SHROOM4: variants seen among roughly 807,000 people sequenced by gnomAD.
SHROOM4 encodes shroom family member 4.
A neutral mutation model predicts 80.3 loss-of-function variants in SHROOM4; 17 were observed. The observed-to-expected ratio is 0.21, with a 90% CI of 0.14 to 0.32. The LOEUF (loss-of-function observed/expected upper bound fraction) is 0.32, where lower values mean the gene tolerates loss of function less well. Among genes scored for constraint, SHROOM4 ranks in the 10% least tolerant of loss-of-function variants. SHROOM4 has a pLI of 1.00. For synonymous variants in SHROOM4, 400 were observed against 437.5 expected (o/e 0.91, Z 1.07); for missense variants, 993 against 1,140.3 (o/e 0.87, Z 1.86).
intron 1 of SHROOM4, among the ~76,000 whole-genome samples, chrX:50,781,565 T>TG (rs1214369577): frequency 9.4e-6 from 1 of 105,952 alleles, no homozygotes; most frequent in African/African-American, 3.5e-5. Context: ...GGATGGGGAG[T>TG]GGGGGGGATG....
intron 2 of SHROOM4, among the ~76,000 whole-genome samples, chrX:50,682,593 T>C (rs782418537): frequency 6.3e-5 from 7 of 111,618 alleles, no homozygotes; most frequent in Admixed American, 9.5e-5. Context: ...GTGTTGTTTA[T>C]GGGAGGAAGC....
chrX:50,652,844 T>G (rs1262806230), intron 2 of SHROOM4, among the ~76,000 whole-genome samples: 2 of 112,230 alleles, frequency 1.8e-5, no homozygotes, highest in Non-Finnish European at 3.8e-5. Context: ...CATTGCTTGT[T>G]TTTGTCAGGT....
At chrX:50,605,509 T>C (rs933389096) in intron 6 of SHROOM4, among the ~76,000 whole-genome samples, 5 of 112,627 alleles carry the variant, frequency 4.4e-5, no homozygotes, top group Non-Finnish European at 9.4e-5. Context: ...AGATCTCTAG[T>C]AATAGTGATT....
intron 2 of SHROOM4, among the ~76,000 whole-genome samples, chrX:50,663,889 C>T (rs1469760402): frequency 8.9e-6 from 1 of 111,867 alleles, no homozygotes; most frequent in Non-Finnish European, 1.9e-5. Context: ...CTAGAGCATA[C>T]TCCTTCTATG....
chrX:50,597,736 G>C lies in SHROOM4; in HGVS notation c.4212+530C>G, dbSNP rs147184519. On this transcript the variant is annotated intron_variant, in intron 8 of 8. Coordinates refer to ENST00000376020, the MANE Select transcript of SHROOM4 (RefSeq NM_020717.5). ...TTACAGGTGAAGAGATTGAGGCAGAGTGACGTTATGTAAGTTGTCCACAGT... is the reference window on the plus strand; with the variant it reads ...TTACAGGTGAAGAGATTGAGGCAGACTGACGTTATGTAAGTTGTCCACAGT... Among the ~76,000 whole-genome samples the C allele has an allele frequency of 2.7e-5, 3 of 112,382 alleles. No homozygotes were observed. The East Asian group carries it at 8.4e-4, about 31-fold the overall frequency.
rs1374285730 is a variant in SHROOM4, at chrX:50,636,609, G to A, written c.405-941C>T. Among the ~76,000 whole-genome samples, 3 of 111,563 alleles carry A rather than the reference G, an allele frequency of 2.7e-5. No homozygotes were observed. The East Asian group carries it at 8.5e-4, about 31-fold the overall frequency. On this transcript the variant is annotated intron_variant, in intron 3 of 8. Transcript: ENST00000376020. ...TACAATTGAACTCATCACCTGGGAA[G>A]TGAGCAGAGTACCCAACAGGTAGTT...
In SHROOM4 at chrX:50,634,795, A is replaced by C. The variant is rs782407043; in HGVS notation, c.1278T>G (p.Leu426=). The change falls in exon 4 of 9, where the codon CTT becomes CTG. Residue 426 remains leucine, a synonymous_variant. Coordinates refer to ENST00000376020, the MANE Select transcript of SHROOM4 (RefSeq NM_020717.5). Reference sequence around the variant, plus strand: ...CCATCCCTTTGCTGCCCCTGGTATCAAGGTGCACATGCTGCAGGTGGGATG... The same window carrying C: ...CCATCCCTTTGCTGCCCCTGGTATCCAGGTGCACATGCTGCAGGTGGGATG... ...LLASHLQHVH[L]DTRGSKGMEL... 6.6e-6 allele frequency: 8 copies of C among 1,209,781 alleles called. No individual in the cohort carries two copies. In the East Asian group the frequency reaches 2.1e-4, roughly 31 times the overall value.
chrX:50,597,474 A>C (rs1444815194), intron 8 of SHROOM4, among the ~76,000 whole-genome samples: 2 of 111,672 alleles, frequency 1.8e-5, no homozygotes, highest in Non-Finnish European at 3.8e-5. Flanking sequence ...ATTTTGGTTC[A>C]GGAGTATATG....
At chrX:50,729,993 G>A (rs1255926507) in intron 1 of SHROOM4, among the ~76,000 whole-genome samples, 2 of 112,002 alleles carry the variant, frequency 1.8e-5, no homozygotes, top group Non-Finnish European at 3.8e-5. Flanking sequence ...AAAATCTAAA[G>A]GAAATTCTTC....
At position 50,813,941 on chromosome X, in the gene SHROOM4, C is replaced by G. The variant is rs782647367; in HGVS notation, c.78G>C (p.Lys26Asn). 8.3e-6 allele frequency: 10 copies of G among 1,205,158 alleles called. No individual in the cohort carries two copies. In the East Asian group the frequency reaches 2.7e-4, roughly 32 times the overall value. Reference sequence around the variant, plus strand: ...GCGGCTCACAGTGTTCCAGACCCCCCTTAAGGGTGAAGCCCCAGGGTGCCC... The same window carrying G: ...GCGGCTCACAGTGTTCCAGACCCCCGTTAAGGGTGAAGCCCCAGGGTGCCC... ...QGGAPWGFTL[K>N]GGLEHCEPLT... is the part of the protein sequence containing the mutation. The change falls in exon 1 of 9, where the codon AAG becomes AAC. Residue 26 changes from lysine (K) to asparagine (N), a missense_variant. Lys to Asn is a moderately conservative substitution (Grantham distance 94). Coordinates refer to ENST00000376020, the MANE Select transcript of SHROOM4 (RefSeq NM_020717.5).
chrX:50,696,799 A>T (rs1933382334), intron 1 of SHROOM4, among the ~76,000 whole-genome samples: 1 of 112,201 alleles, frequency 8.9e-6, no homozygotes, highest in South Asian at 3.8e-4. Flanking sequence ...CAATCTGGGG[A>T]AGAAGATTGT....
At chrX:50,756,709 C>T (rs1414797274) in intron 1 of SHROOM4, among the ~76,000 whole-genome samples, 1 of 111,842 alleles carries the variant, frequency 8.9e-6, no homozygotes, top group Admixed American at 9.5e-5. Context: ...GTAATCTCAT[C>T]ATGGTTTTGA....
At chrX:50,666,408 C>A (rs1170103044) in intron 2 of SHROOM4, among the ~76,000 whole-genome samples, 2 of 111,341 alleles carry the variant, frequency 1.8e-5, no homozygotes, top group African/African-American at 6.5e-5. Flanking sequence ...TCTAGCAATT[C>A]TTCTTGTTCT....
chrX:50,619,186 A>G (rs1557251527), intron 5 of SHROOM4, among the ~76,000 whole-genome samples: 1 of 111,709 alleles, frequency 9.0e-6, no homozygotes. Context: ...ATGAAAACCA[A>G]TATTTGCAGA....
chrX:50,783,498 C>G (rs1014090352), intron 1 of SHROOM4, among the ~76,000 whole-genome samples: 3 of 111,638 alleles, frequency 2.7e-5, no homozygotes, highest in Admixed American at 9.5e-5. Flanking sequence ...AATTCTCCTC[C>G]AAACTGATCT....
intron 1 of SHROOM4, among the ~76,000 whole-genome samples, chrX:50,805,006 T>C (rs1220003818): frequency 9.0e-6 from 1 of 111,630 alleles, no homozygotes; most frequent in Non-Finnish European, 1.9e-5. Context: ...AGCTTCAAGA[T>C]GTCATCACTC....
chrX:50,748,989 T>C lies in SHROOM4; in HGVS notation c.118-53052A>G, dbSNP rs782342004. Among the ~76,000 whole-genome samples, 8 of 112,370 alleles carry C rather than the reference T, an allele frequency of 7.1e-5. 1 individual carries two copies. In the South Asian group the frequency reaches 1.8e-3, roughly 26 times the overall value. On this transcript the variant is annotated intron_variant, in intron 1 of 8. Transcript: ENST00000376020. ...ACTTTGGGAGGCCAAGGCTGGTGGA[T>C]TGCTTGAGCTCTGCAGTTCAAGACC...
chrX:50,590,080 A>C lies in SHROOM4; in HGVS notation c.*6615T>G, dbSNP rs1166601428. Among the ~76,000 whole-genome samples, 1 of 111,421 alleles carries C rather than the reference A, an allele frequency of 9.0e-6. No homozygotes were observed. The highest frequency in any genetic ancestry group is 1.9e-5 in the Non-Finnish European group (1 of 53,087). ...TTGCTAGCCAGTTGCATATTGCTAT[A>C]AGCTGAATGTTTGTGTCCTCTCCAA... is the stretch of plus-strand genomic sequence containing the variant. On this transcript the variant is annotated 3_prime_UTR_variant, in exon 9 of 9. Coordinates refer to ENST00000376020, the MANE Select transcript of SHROOM4 (RefSeq NM_020717.5).
At chrX:50,785,329 C>CTG (rs1935717042) in intron 1 of SHROOM4, among the ~76,000 whole-genome samples, 1 of 111,382 alleles carries the variant, frequency 9.0e-6, no homozygotes, top group Non-Finnish European at 1.9e-5. Flanking sequence ...TTCACACAGA[C>CTG]TTATATGTGA....
Sources: gnomAD v4.1 joint callset for allele counts (sites outside exome capture counted in the v4.1 genomes callset) on GRCh38, gnomAD v4.1.1 for gene constraint, MANE v1.5 for transcripts, NCBI Gene and HGNC (gene_info 2026-07-23, HGNC 2026-07-21) for gene names.